EIF3L: variants seen among roughly 807,000 people sequenced by gnomAD.
The protein encoded by EIF3L is eIEF associated protein HSPC021.
Under a neutral mutation model 74.6 loss-of-function variants are expected in EIF3L, and 32 were observed. That is an observed-to-expected ratio of 0.43 (90% CI 0.32 to 0.58). The LOEUF is 0.58. Among genes scored for constraint, EIF3L ranks in the 20% least tolerant of loss-of-function variants. The pLI, the probability that EIF3L is intolerant of heterozygous loss-of-function variation, is 0.06. For missense variants in EIF3L, 474 were observed against 707.8 expected (o/e 0.67, Z 3.75); for synonymous variants, 256 against 254.4 (o/e 1.01, Z -0.06).
At chr22:37,851,574 T>C (rs1484120541) in intron 3 of EIF3L, 84 bp downstream of exon 3, 3 of 411,194 alleles carry the variant, frequency 7.3e-6, no homozygotes, top group South Asian at 6.2e-5. Flanking sequence ...GAGCACTCTG[T>C]AAACAGTACT....
intron 10 of EIF3L, chr22:37,877,130 A>T (rs1926794403): frequency 1.3e-5 from 2 of 154,738 alleles, no homozygotes; most frequent in African/African-American, 4.8e-5. Context: ...GCTACATGGT[A>T]TAGCCTATGG....
intron 11 of EIF3L, chr22:37,882,981 CAG>C (rs1927129771): frequency 6.6e-6 from 1 of 151,416 alleles, no homozygotes; most frequent in South Asian, 2.1e-4. Context: ...GCCTGGGCAA[CAG>C]AGCGAGACTC....
intron 11 of EIF3L, chr22:37,885,765 A>T (rs985501701): frequency 2.0e-5 from 3 of 149,664 alleles, no homozygotes; most frequent in African/African-American, 7.4e-5. Flanking sequence ...CACTACGCCC[A>T]GCTAATTTTT....
chr22:37,853,548 T>C (rs1925341552), intron 3 of EIF3L, among the ~76,000 whole-genome samples: 1 of 152,148 alleles, frequency 6.6e-6, no homozygotes, highest in Non-Finnish European at 1.5e-5. Flanking sequence ...GGTGGGAGGA[T>C]CACTTGAGCC....
chr22:37,874,630 T>C (rs1017976507), intron 9 of EIF3L, 106 bp downstream of exon 9: 7 of 1,306,350 alleles, frequency 5.4e-6, no homozygotes, highest in Non-Finnish European at 7.2e-6. Context: ...AAGAGGACTG[T>C]TCCCTCAGGC....
chr22:37,858,814 A>G (rs1925685634), intron 5 of EIF3L, 74 bp downstream of exon 5: 1 of 1,340,502 alleles, frequency 7.5e-7, no homozygotes, highest in Non-Finnish European at 1.0e-6. Context: ...TCCCTAGAAC[A>G]CAGTCATTTG....
In EIF3L at chr22:37,863,454, G is replaced by A. The variant is rs563224261; in HGVS notation, c.579+109G>A. On this transcript the variant is annotated intron_variant, in intron 7 of 12. Coordinates refer to ENST00000652021, the MANE Select transcript of EIF3L (RefSeq NM_016091.4). ...AGGGTGTAAAAATATCCCCATTGTA[G>A]TGTAAAATACCCCATGGCAGTAGAC... 31 of 891,950 alleles carry A rather than the reference G, an allele frequency of 3.5e-5. No individual in the cohort carries two copies. Among genetic ancestry groups the A allele is most frequent in the African/African-American group, 5.0e-5 (3 of 59,572 alleles). 55.3% of individuals were successfully genotyped at this position (891,950 alleles called of 1,614,324 possible). A position where few individuals can be genotyped will look rare whatever the true frequency, so the allele number is the denominator to read the frequency against.
chr22:37,886,568 A>T lies in EIF3L; in HGVS notation c.1576-197A>T, dbSNP rs543265323. 8.9e-3 allele frequency: 1,811 copies of T among 203,300 alleles called. 14 individuals carry two copies. Among genetic ancestry groups the T allele is most frequent in the Non-Finnish European group, 9.5e-3 (1,026 of 107,710 alleles). The allele number at this position is 203,300 out of a possible 1,614,324, so 12.6% of individuals were successfully genotyped here. A position where few individuals can be genotyped will look rare whatever the true frequency, so the allele number is the denominator to read the frequency against. ...TGGGCGACGAGCAAAACTCCATCTC[A>T]AAAAAAAAAAGAAAAGAAAAACTCT... On this transcript the variant is annotated intron_variant, in intron 11 of 12. Transcript: ENST00000652021.
chr22:37,862,403 G>A (rs184894357), intron 5 of EIF3L, among the ~76,000 whole-genome samples: 14 of 152,286 alleles, frequency 9.2e-5, no homozygotes, highest in Admixed American at 7.8e-4. Flanking sequence ...AGTCTCGAGG[G>A]CCATGATGGT....
intron 5 of EIF3L, among the ~76,000 whole-genome samples, 165 bp downstream of exon 5, chr22:37,858,905 A>G (rs1925690535): frequency 6.6e-6 from 1 of 152,016 alleles, no homozygotes; most frequent in African/African-American, 2.4e-5. Context: ...TTAACCCAGA[A>G]AGCTGTTCAG....
At chr22:37,873,489 G>T (rs553506841) in intron 8 of EIF3L, among the ~76,000 whole-genome samples, 1 of 152,020 alleles carries the variant, frequency 6.6e-6, no homozygotes, top group African/African-American at 2.4e-5. Flanking sequence ...AGTAGAGACG[G>T]GGTTTCACCT....
Position 37,859,374 on chromosome 22 carries a change from C to CTT in EIF3L, c.435+654_435+655dup, listed in dbSNP as rs34020382. 6.7e-3 allele frequency among the ~76,000 whole-genome samples: 530 copies of CTT among 79,110 alleles called. 53 individuals carry two copies. Among genetic ancestry groups the CTT allele is most frequent in the African/African-American group, 0.026 (459 of 17,602 alleles). 51.9% of individuals were successfully genotyped at this position (79,110 alleles called of 152,430 possible). On this transcript the variant is annotated intron_variant, in intron 5 of 12. Transcript: ENST00000652021. ...CTAAATTATAGAGTACGTGAAGTTT[C>CTT]TTTTTTTTTTTTTTTTTTTTTGAGA... is the stretch of plus-strand genomic sequence containing the variant.
At position 37,886,854 on chromosome 22, in the gene EIF3L, T is replaced by C. The variant is rs768906511; in HGVS notation, c.1656+9T>C. The C allele has an allele frequency of 4.4e-6, 7 of 1,606,984 alleles. No individual in the cohort carries two copies. Among genetic ancestry groups the C allele is most frequent in the Non-Finnish European group, 6.0e-6 (7 of 1,174,922 alleles). ...TCCACAAATTTGAGGAGGTGAGAGA[T>C]CTGAGAGAAGAGGGGTTTGTTGGCT... On this transcript the variant is annotated intron_variant, in intron 12 of 12. Coordinates refer to ENST00000652021, the MANE Select transcript of EIF3L (RefSeq NM_016091.4).
At chr22:37,874,602 C>T (rs1399805465) in intron 9 of EIF3L, 78 bp downstream of exon 9, 21 of 1,473,526 alleles carry the variant, frequency 1.4e-5, no homozygotes, top group Non-Finnish European at 1.9e-5. Context: ...TCTCTTAGGA[C>T]AAATTTCCAG....
At chr22:37,857,770 A>G (rs570822796) in intron 4 of EIF3L, among the ~76,000 whole-genome samples, 1 of 151,970 alleles carries the variant, frequency 6.6e-6, no homozygotes, top group East Asian at 1.9e-4. Flanking sequence ...CTGACCTCAA[A>G]TGATCCACCC....
intron 12 of EIF3L, 193 bp from the exon 13 acceptor site, chr22:37,888,228 TAAAAG>T (rs1601789492): frequency 5.4e-6 from 3 of 550,822 alleles, no homozygotes; most frequent in African/African-American, 1.9e-5. Flanking sequence ...GAAGGGCAGA[TAAAAG>T]AATAATCCGC....
Position 37,870,899 on chromosome 22 carries a change from A to G in EIF3L, c.751+552A>G, listed in dbSNP as rs6000917. 5.9e-3 allele frequency among the ~76,000 whole-genome samples: 898 copies of G among 152,218 alleles called. 8 individuals are homozygous for G. The highest frequency in any genetic ancestry group is 0.02 in the African/African-American group (840 of 41,538). On this transcript the variant is annotated intron_variant, in intron 8 of 12. Transcript: ENST00000652021. The stretch of plus-strand genomic sequence containing the variant: ...CAGCACTTTGGGAGGCTTAGGCAGA[A>G]GGATCGCTTGAGTCCAGGAGTTTGA...
At chr22:37,878,356 G>T (rs1926863237) in intron 11 of EIF3L, 185 bp downstream of exon 11, 2 of 661,150 alleles carry the variant, frequency 3.0e-6, no homozygotes, top group East Asian at 3.0e-5. Flanking sequence ...GGGGTGGGAG[G>T]ATCACTCTAG....
chr22:37,871,639 G>A (rs764506851), intron 8 of EIF3L, among the ~76,000 whole-genome samples: 13 of 151,962 alleles, frequency 8.6e-5, no homozygotes, highest in Admixed American at 6.6e-4. Flanking sequence ...AGGCTGAGGC[G>A]GGCAGATCAC....
Sources: allele counts gnomAD v4.1 joint callset (sites outside exome capture counted in the v4.1 genomes callset), GRCh38; gene constraint gnomAD v4.1.1; transcripts MANE v1.5; gene names NCBI Gene and HGNC (gene_info 2026-07-23, HGNC 2026-07-21).